Variants in ADK observed in about 807,000 individuals in gnomAD.
The protein encoded by ADK is adenosine kinase, also known as N6,N6-dimethyladenosine kinase.
ADK carries 24 observed loss-of-function variants against 44.7 expected under a neutral mutation model. The ratio of observed to expected loss-of-function variants is 0.54; its 90% CI spans 0.39 to 0.76. The LOEUF (loss-of-function observed/expected upper bound fraction) is 0.76. Ranked by LOEUF, ADK falls within the 30% of genes least tolerant of loss-of-function variation. ADK has a pLI of 0.00. For synonymous variants in ADK, 128 were observed against 142.6 expected, an observed-to-expected ratio of 0.90 and a Z score of 0.73; for missense variants, 321 against 425.1, an observed-to-expected ratio of 0.76 and a Z score of 2.15.
intron 8 of ADK, among the ~76,000 whole-genome samples, chr10:74,595,202 CTA>C (rs1293237313): frequency 7.1e-6 from 1 of 140,652 alleles, no homozygotes; most frequent in East Asian, 2.1e-4. Flanking sequence ...AAAAAAGGCT[CTA>C]TGACTTTTTC....
chr10:74,335,879 A>T (rs754815453), intron 4 of ADK, among the ~76,000 whole-genome samples: 1 of 151,938 alleles, frequency 6.6e-6, no homozygotes, highest in Non-Finnish European at 1.5e-5. Flanking sequence ...AATTGTGTTT[A>T]TTTTTGTTAC....
rs146581374 is a variant in ADK at position 74,352,986 on chromosome 10, C to T, written c.273+38241C>T. 2.2e-3 allele frequency among the ~76,000 whole-genome samples: 340 copies of T among 152,250 alleles called. 1 individual carries two copies. Among genetic ancestry groups the T allele is most frequent in the Middle Eastern group, 0.01 (3 of 294 alleles). On this transcript the variant is annotated intron_variant, in intron 4 of 10. Coordinates refer to ENST00000539909, the MANE Select transcript of ADK (RefSeq NM_006721.4). The stretch of plus-strand genomic sequence containing the variant: ...TGGTGGGAGTGTAAATTAGTTCAAC[C>T]GCTGTAGAAGACAGTGTAGCAATTC...
chr10:74,176,537 G>T, intron 1 of ADK: 1 of 1,271,170 alleles, frequency 7.9e-7, no homozygotes, highest in Non-Finnish European at 1.0e-6. Flanking sequence ...TAAACTGCGG[G>T]GTGACGGGAC....
chr10:74,532,603 A>G, intron 7 of ADK, among the ~76,000 whole-genome samples: 1 of 152,158 alleles, frequency 6.6e-6, no homozygotes, highest in Non-Finnish European at 1.5e-5. Flanking sequence ...GTCATCTTCA[A>G]AAAGCTATTA....
At chr10:74,591,678 A>G (rs962791809) in intron 8 of ADK, among the ~76,000 whole-genome samples, 6 of 152,220 alleles carry the variant, frequency 3.9e-5, no homozygotes, top group African/African-American at 1.4e-4. Context: ...AAAATGCATT[A>G]ATACTCTTGG....
chr10:74,576,249 A>T (rs1002615067), intron 7 of ADK, among the ~76,000 whole-genome samples: 3 of 152,190 alleles, frequency 2.0e-5, no homozygotes, highest in African/African-American at 7.2e-5. Flanking sequence ...GGGTGGGGAA[A>T]TTCAAATTCT....
chr10:74,186,724 A>G (rs1842780916), intron 1 of ADK, among the ~76,000 whole-genome samples: 1 of 152,182 alleles, frequency 6.6e-6, no homozygotes, highest in Admixed American at 6.5e-5. Context: ...TCATACAGCA[A>G]GGAGTATTTT....
chr10:74,460,231 A>T (rs1267967993), intron 6 of ADK, among the ~76,000 whole-genome samples: 1 of 152,218 alleles, frequency 6.6e-6, no homozygotes, highest in East Asian at 1.9e-4. Flanking sequence ...TCAAAAATAA[A>T]CAAAAACTTC....
chr10:74,549,459 G>A (rs1041866387), intron 7 of ADK, among the ~76,000 whole-genome samples: 2 of 151,840 alleles, frequency 1.3e-5, no homozygotes, highest in African/African-American at 4.8e-5. Context: ...TTAGAGACAG[G>A]GTCTCACTCA....
At chr10:74,656,621 C>T (rs1235706314) in intron 9 of ADK, among the ~76,000 whole-genome samples, 1 of 152,084 alleles carries the variant, frequency 6.6e-6, no homozygotes, top group Non-Finnish European at 1.5e-5. Flanking sequence ...GGTTCTGTAT[C>T]CTTGCGCAAA....
chr10:74,307,078 C>T (rs1200391436), intron 3 of ADK, among the ~76,000 whole-genome samples: 1 of 152,106 alleles, frequency 6.6e-6, no homozygotes, highest in African/African-American at 2.4e-5. Flanking sequence ...CCACATGTAA[C>T]CAGTATAAGT....
intron 3 of ADK, among the ~76,000 whole-genome samples, chr10:74,230,358 A>G: frequency 6.6e-6 from 1 of 152,112 alleles, no homozygotes. Context: ...CATTGATAAA[A>G]TGACTTGCTA....
chr10:74,503,364 G>T (rs1847943957), intron 6 of ADK, among the ~76,000 whole-genome samples: 1 of 152,182 alleles, frequency 6.6e-6, no homozygotes, highest in Non-Finnish European at 1.5e-5. Flanking sequence ...TTTTGTGGAT[G>T]TGAGTCATCA....
intron 2 of ADK, among the ~76,000 whole-genome samples, chr10:74,214,410 TCTTTGGACTA>T (rs1480729263): frequency 6.6e-6 from 1 of 152,244 alleles, no homozygotes; most frequent in Non-Finnish European, 1.5e-5. Flanking sequence ...CTGTTGGGAT[TCTTTGGACTA>T]TGTGGCAATA....
chr10:74,295,326 G>A (rs1229638584), intron 3 of ADK, among the ~76,000 whole-genome samples: 1 of 147,922 alleles, frequency 6.8e-6, no homozygotes, highest in African/African-American at 2.5e-5. Context: ...GCCGGGCATG[G>A]TGGCACGTGC....
At chr10:74,255,190 G>A (rs1435258833) in intron 3 of ADK, among the ~76,000 whole-genome samples, 1 of 152,054 alleles carries the variant, frequency 6.6e-6, no homozygotes, top group Non-Finnish European at 1.5e-5. Context: ...AAATTATAAA[G>A]GCAAAAATTG....
intron 9 of ADK, among the ~76,000 whole-genome samples, chr10:74,665,221 T>G (rs1854902210): frequency 6.6e-6 from 1 of 152,228 alleles, no homozygotes; most frequent in Non-Finnish European, 1.5e-5. Flanking sequence ...TAATTTAAAA[T>G]TATTTCTAAA....
chr10:74,494,100 T>A (rs1847593582), intron 6 of ADK, among the ~76,000 whole-genome samples: 1 of 152,212 alleles, frequency 6.6e-6, no homozygotes, highest in South Asian at 2.1e-4. Flanking sequence ...TAAAAGTTTT[T>A]AAATTAGTAT....
At chr10:74,332,712 A>G (rs1370160474) in intron 4 of ADK, among the ~76,000 whole-genome samples, 3 of 152,214 alleles carry the variant, frequency 2.0e-5, no homozygotes, top group Admixed American at 2.0e-4. Flanking sequence ...AACTGAAGGT[A>G]TTAGAAATAT....
Sources: gnomAD v4.1 joint callset for allele counts (sites outside exome capture counted in the v4.1 genomes callset) on GRCh38, gnomAD v4.1.1 for gene constraint, MANE v1.5 for transcripts, NCBI Gene and HGNC (gene_info 2026-07-23, HGNC 2026-07-21) for gene names.